Variants in BPTF observed in about 807,000 individuals in gnomAD.
BPTF encodes the protein bromodomain PHD finger transcription factor.
A neutral mutation model predicts 292.5 loss-of-function variants in BPTF; 18 were observed. The observed-to-expected ratio is 0.06, with a 90% CI of 0.04 to 0.09. BPTF has a LOEUF of 0.09. BPTF is among the 10% of genes least tolerant of loss of function. The pLI, the probability that BPTF is intolerant of heterozygous loss-of-function variation, is 1.00. For missense variants in BPTF, 2,726 were observed against 3,498.7 expected (o/e 0.78, Z 5.57); for synonymous variants, 1,225 against 1,251.9 (o/e 0.98, Z 0.45).
intron 19 of BPTF, 87 bp downstream of exon 19, chr17:67,940,743 G>T (rs577894096): frequency 7.3e-7 from 1 of 1,367,392 alleles, no homozygotes; most frequent in Non-Finnish European, 1.0e-6. Context: ...ATTTTGATAC[G>T]TTTTTAAATG....
chr17:67,832,301 G>A (rs924208090), intron 1 of BPTF, among the ~76,000 whole-genome samples: 3 of 149,830 alleles, frequency 2.0e-5, no homozygotes, highest in Non-Finnish European at 3.0e-5. Context: ...TTAAAAGATC[G>A]AAGGTGACCG....
chr17:67,951,357 T>C (rs2066339575), intron 23 of BPTF: 1 of 152,148 alleles, frequency 6.6e-6, no homozygotes, highest in Admixed American at 6.5e-5. Context: ...AATTGTATGC[T>C]GGGAAACAGG....
intron 2 of BPTF, among the ~76,000 whole-genome samples, chr17:67,864,630 T>G (rs1598320829): frequency 6.6e-6 from 1 of 152,082 alleles, no homozygotes; most frequent in Non-Finnish European, 1.5e-5. Flanking sequence ...ATTCACTGTT[T>G]TGCTGCTTTA....
chr17:67,968,156 A>C lies in BPTF; in HGVS notation c.8539+1500A>C, dbSNP rs192812925. 4.0e-4 allele frequency among the ~76,000 whole-genome samples: 61 copies of C among 151,622 alleles called. 1 individual carries two copies. In the East Asian group the frequency reaches 0.011, roughly 27 times the overall value. On this transcript the variant is annotated intron_variant, in intron 26 of 27. Transcript: ENST00000306378. ...TTAGAAAAATTAAAACATAGCTAAA[A>C]CCTTCCAAAGGATCACTTACCACTA...
At chr17:67,943,756 G>T (rs1161715234) in intron 19 of BPTF, among the ~76,000 whole-genome samples, 2 of 152,264 alleles carry the variant, frequency 1.3e-5, no homozygotes, top group South Asian at 4.1e-4. Context: ...TCCATTGTGA[G>T]AATCAAATGA....
intron 5 of BPTF, among the ~76,000 whole-genome samples, chr17:67,892,803 G>A (rs2061207761): frequency 6.6e-6 from 1 of 152,084 alleles, no homozygotes; most frequent in African/African-American, 2.4e-5. Context: ...GATATTTTCT[G>A]TGCTAGCCTA....
At chr17:67,867,675 A>G (rs561275129) in intron 3 of BPTF, among the ~76,000 whole-genome samples, 48 of 152,082 alleles carry the variant, frequency 3.2e-4, no homozygotes, top group Non-Finnish European at 4.7e-4. Context: ...AGTAGTGGTT[A>G]GGTATTTTGT....
intron 27 of BPTF, among the ~76,000 whole-genome samples, chr17:67,979,590 C>T (rs2070065140): frequency 1.3e-5 from 2 of 151,982 alleles, no homozygotes; most frequent in South Asian, 4.1e-4. Flanking sequence ...TTTAGAATCA[C>T]CCTATAGACA....
intron 23 of BPTF, among the ~76,000 whole-genome samples, chr17:67,953,842 A>G (rs2066632708): frequency 6.6e-6 from 1 of 151,862 alleles, no homozygotes; most frequent in African/African-American, 2.4e-5. Context: ...AGCCTCCCAA[A>G]GTGCTGGGAT....
rs566282124 is a variant in BPTF at position 67,950,388 on chromosome 17, C to T, written c.7926+2082C>T. On this transcript the variant is annotated intron_variant, in intron 23 of 27. Transcript: ENST00000306378. ...TCAGAAACCAGAAACCCCAGTGATG[C>T]CAACAATCAACGTTATTATTTAGCA... Among the ~76,000 whole-genome samples the T allele has an allele frequency of 8.5e-5, 13 of 152,126 alleles. 1 individual carries two copies. In the South Asian group the frequency reaches 2.7e-3, roughly 32 times the overall value.
intron 3 of BPTF, among the ~76,000 whole-genome samples, chr17:67,873,208 A>G (rs552293735): frequency 6.6e-6 from 1 of 152,318 alleles, no homozygotes; most frequent in East Asian, 1.9e-4. Flanking sequence ...CTGTAATCCC[A>G]ACACTTTGTG....
rs1001214372 is a variant in BPTF at position 67,875,833 on chromosome 17, T to G, written c.1864+813T>G. On this transcript the variant is annotated intron_variant, in intron 4 of 27. Transcript: ENST00000306378. ...CCGAATGTCACCTAAAACCTTAAACTATGTGTTCATTCATGCTGCTTGCTT... is the reference window on the plus strand; with the variant it reads ...CCGAATGTCACCTAAAACCTTAAACGATGTGTTCATTCATGCTGCTTGCTT... 6 of 1,109,154 alleles carry G rather than the reference T, an allele frequency of 5.4e-6. No individual in the cohort carries two copies. In the African/African-American group the frequency reaches 9.7e-5, roughly 18 times the overall value. 68.7% of individuals were successfully genotyped at this position (1,109,154 alleles called of 1,614,324 possible). A position where few individuals can be genotyped will look rare whatever the true frequency, so the allele number is the denominator to read the frequency against.
intron 3 of BPTF, among the ~76,000 whole-genome samples, chr17:67,873,634 TCTCA>T (rs1188676512): frequency 6.6e-6 from 1 of 152,144 alleles, no homozygotes; most frequent in African/African-American, 2.4e-5. Flanking sequence ...GAGCCAGATT[TCTCA>T]CTGTCAGAGA....
chr17:67,982,356 G>T lies in BPTF; in HGVS notation c.*68G>T, dbSNP rs1315676506. The T allele has an allele frequency of 6.9e-7, 1 of 1,449,790 alleles. No individual in the cohort carries two copies. The highest frequency in any genetic ancestry group is 9.6e-7 in the Non-Finnish European group (1 of 1,038,732). The allele number at this position is 1,449,790 out of a possible 1,614,324, so 89.8% of individuals were successfully genotyped here. On this transcript the variant is annotated 3_prime_UTR_variant, in exon 28 of 28. Coordinates refer to ENST00000306378, the MANE Select transcript of BPTF (RefSeq NM_182641.4). ...GTTGTCTGAACTATTTTAAATTAAGGAGCCAGATGTTTTTAGTCAGGCTAT... is the reference window on the plus strand; with the variant it reads ...GTTGTCTGAACTATTTTAAATTAAGTAGCCAGATGTTTTTAGTCAGGCTAT...
intron 23 of BPTF, among the ~76,000 whole-genome samples, chr17:67,954,075 C>T (rs1390402873): frequency 6.9e-6 from 1 of 144,412 alleles, no homozygotes; most frequent in Non-Finnish European, 1.5e-5. Context: ...CAGCTTCCAC[C>T]TACCCAGATC....
intron 7 of BPTF, among the ~76,000 whole-genome samples, chr17:67,900,965 G>A (rs2061793974): frequency 6.6e-6 from 1 of 151,866 alleles, no homozygotes; most frequent in East Asian, 1.9e-4. Context: ...GCTGCAGTGA[G>A]CTATGATTGC....
Position 67,982,735 on chromosome 17 carries a change from T to G in BPTF, c.*447T>G, listed in dbSNP as rs10832. 138,623 of 153,510 alleles carry G rather than the reference T, an allele frequency of 0.9. 64,262 individuals carry two copies. Among genetic ancestry groups the G allele is most frequent in the East Asian group, 1 (5,210 of 5,212 alleles). The allele number at this position is 153,510 out of a possible 1,614,324, so 9.5% of individuals were successfully genotyped here. A position where few individuals can be genotyped will look rare whatever the true frequency, so the allele number is the denominator to read the frequency against. ...ATTGCTGCCCTCATTTGTCAGCTAA[T>G]TATTTTTTCTTATAAAATCCAGCCC... On this transcript the variant is annotated 3_prime_UTR_variant, in exon 28 of 28. Transcript: ENST00000306378.
intron 15 of BPTF, 72 bp downstream of exon 15, chr17:67,924,661 C>T (rs911526040): frequency 1.3e-6 from 2 of 1,534,468 alleles, no homozygotes; most frequent in Non-Finnish European, 1.8e-6. Context: ...AGCACTTGAC[C>T]TCCCATCAGC....
At chr17:67,980,288 T>C (rs1349086913) in intron 27 of BPTF, among the ~76,000 whole-genome samples, 1 of 151,484 alleles carries the variant, frequency 6.6e-6, no homozygotes, top group Non-Finnish European at 1.5e-5. Context: ...GAGGTTGCAG[T>C]GAGCTGAGAT....
Sources: allele counts gnomAD v4.1 joint callset (sites outside exome capture counted in the v4.1 genomes callset), GRCh38; gene constraint gnomAD v4.1.1; transcripts MANE v1.5; gene names NCBI Gene and HGNC (gene_info 2026-07-23, HGNC 2026-07-21).